Variants in JMJD4 observed in about 807,000 individuals in gnomAD.
JMJD4 encodes 2-oxoglutarate and iron-dependent oxygenase JMJD4.
JMJD4 carries 34 observed loss-of-function variants against 36.3 expected under a neutral mutation model. The observed-to-expected ratio is 0.94, with a 90% CI of 0.71 to 1.25. The LOEUF is 1.25. Ranked by LOEUF, JMJD4 falls within the 50% of genes most tolerant of loss-of-function variation. JMJD4 has a pLI of 0.00. For missense variants in JMJD4, 584 were observed against 559.1 expected (o/e 1.04, Z -0.45); for synonymous variants, 269 against 235.3 (o/e 1.14, Z -1.31).
intron 1 of JMJD4, 67 bp from the exon 2 acceptor site, chr1:227,734,883 G>A: frequency 1.3e-6 from 2 of 1,596,488 alleles, no homozygotes; most frequent in African/African-American, 1.3e-5. Flanking sequence ...CGTCTGCAGA[G>A]GAACTCTCCA....
At chr1:227,734,339 A>T in intron 2 of JMJD4, 1 of 376,824 alleles carries the variant, frequency 2.7e-6, no homozygotes, top group Admixed American at 4.3e-5. Context: ...AACATGGTGA[A>T]ACCTAGTCTC....
rs755490821 is a variant in JMJD4 at position 227,731,800 on chromosome 1, G to C, written c.*592C>G. 1 of 158,818 alleles carries C rather than the reference G, an allele frequency of 6.3e-6. No homozygotes were observed. Among genetic ancestry groups the C allele is most frequent in the Non-Finnish European group, 1.4e-5 (1 of 71,382 alleles). The allele number at this position is 158,818 out of a possible 1,614,324, so 9.8% of individuals were successfully genotyped here. ...CACCCCATCTGTGGCCTCTCCAGCT[G>C]TCCACAGGCCCTGCAAAGGCAGGGA... On this transcript the variant is annotated 3_prime_UTR_variant, in exon 6 of 6. Transcript: ENST00000620518.
intron 2 of JMJD4, chr1:227,734,313 C>G: frequency 3.4e-6 from 1 of 297,028 alleles, no homozygotes; most frequent in Non-Finnish European, 5.9e-6. Flanking sequence ...CTCAGGAGTT[C>G]AAGACCAGCC....
rs765627228 is a variant in JMJD4 at position 227,733,548 on chromosome 1, C to T, written c.688G>A (p.Val230Met). 1.6e-5 allele frequency: 26 copies of T among 1,605,464 alleles called. No individual in the cohort carries two copies. The highest frequency in any genetic ancestry group is 2.1e-5 in the Non-Finnish European group (25 of 1,176,840). ...GTGTCGCAGAGTGCTGGGGAGGTCA[C>T]GTCGTAGGGCAGGTTGCCGTGGCGG... ...RDRHGNLPYD[V>M]TSPALCDTHL... The change falls in exon 4 of 6, where the codon GTG becomes ATG. Residue 230 changes from valine to methionine, a missense_variant. Val to Met is a conservative substitution (Grantham distance 21). Coordinates refer to ENST00000620518, the MANE Select transcript of JMJD4 (RefSeq NM_023007.3).
Position 227,732,235 on chromosome 1 carries a change from G to C in JMJD4, c.*157C>G. The stretch of plus-strand genomic sequence containing the variant: ...TCCCTGACCTCATTGGGCCTCACCT[G>C]AAAACAGGCACCCAGGCAGTGGCCA... On this transcript the variant is annotated 3_prime_UTR_variant, in exon 6 of 6. Coordinates refer to ENST00000620518, the MANE Select transcript of JMJD4 (RefSeq NM_023007.3). The C allele has an allele frequency of 1.2e-6, 1 of 849,342 alleles. No individual in the cohort carries two copies. The highest frequency in any genetic ancestry group is 1.9e-6 in the Non-Finnish European group (1 of 538,094). The allele number at this position is 849,342 out of a possible 1,614,324, so 52.6% of individuals were successfully genotyped here. A position where few individuals can be genotyped will look rare whatever the true frequency, so the allele number is the denominator to read the frequency against.
intron 5 of JMJD4, 99 bp downstream of exon 5, chr1:227,732,782 A>G: frequency 3.1e-6 from 5 of 1,591,608 alleles, no homozygotes; most frequent in Non-Finnish European, 4.3e-6. Flanking sequence ...GACCATTAAG[A>G]CAGAGGCACT....
Position 227,733,686 on chromosome 1 carries a change from G to A in JMJD4, c.555-5C>T, listed in dbSNP as rs367922496. 5.1e-5 allele frequency: 81 copies of A among 1,599,742 alleles called. No homozygotes were observed. The African/African-American group carries it at 8.9e-4, about 18-fold the overall frequency. On this transcript the variant is annotated splice_polypyrimidine_tract_variant and splice_region_variant and intron_variant, in intron 3 of 5. Transcript: ENST00000620518. ...ATGTCAGCATGGAACGGGGACCTGCGGCAGCAAGAGCGCCTGGTTCATGCC... is the reference window on the plus strand; with the variant it reads ...ATGTCAGCATGGAACGGGGACCTGCAGCAGCAAGAGCGCCTGGTTCATGCC...
At position 227,732,004 on chromosome 1, in the gene JMJD4, CA is replaced by C. The variant is rs922361487; in HGVS notation, c.*387del. On this transcript the variant is annotated 3_prime_UTR_variant, in exon 6 of 6. Coordinates refer to ENST00000620518, the MANE Select transcript of JMJD4 (RefSeq NM_023007.3). ...CCTCCCTGAACCCACAGGGCAGAGC[CA>C]GGGGTGGTCCAATGGCCTGAGACGA... is the stretch of plus-strand genomic sequence containing the variant. 1.1e-5 allele frequency: 3 copies of C among 278,470 alleles called. No homozygotes were observed. The highest frequency in any genetic ancestry group is 2.2e-5 in the African/African-American group (1 of 46,442). 17.2% of individuals were successfully genotyped at this position (278,470 alleles called of 1,614,324 possible).
chr1:227,734,077 G>T (rs1462903365), intron 2 of JMJD4, 45 bp from the exon 3 acceptor site: 2 of 1,595,772 alleles, frequency 1.3e-6, no homozygotes, highest in South Asian at 1.1e-5. Context: ...CGTGAGGCAC[G>T]AGGAGACTAG....
Position 227,734,352 on chromosome 1 carries a change from T to TAA in JMJD4, c.428+297_428+298dup, listed in dbSNP as rs56684758. The TAA allele has an allele frequency of 9.3e-3, 722 of 77,592 alleles. 22 individuals carry two copies. The highest frequency in any genetic ancestry group is 0.04 in the African/African-American group (559 of 14,112). 4.8% of individuals were successfully genotyped at this position (77,592 alleles called of 1,614,324 possible). On this transcript the variant is annotated intron_variant, in intron 2 of 5. Coordinates refer to ENST00000620518, the MANE Select transcript of JMJD4 (RefSeq NM_023007.3). ...GCAACATGGTGAAACCTAGTCTCTTTAAAAAAAAAAAAAAAAAAAAAAAAA... is the reference window on the plus strand; with the variant it reads ...GCAACATGGTGAAACCTAGTCTCTTTAAAAAAAAAAAAAAAAAAAAAAAAAAA...
chr1:227,735,177 C>G lies in JMJD4; in HGVS notation c.97G>C (p.Val33Leu). The stretch of plus-strand genomic sequence containing the variant: ...TAGGAGAAGGCGCCCGGCTCCGAGA[C>G]GAAGGCTACCCGGCCCGGAGCCTGG... Reference protein sequence around the residue: ...VGQAPGRVAFVSEPGAFSYAD... With the variant: ...VGQAPGRVAFLSEPGAFSYAD... The change falls in exon 1 of 6, where the codon GTC (valine) becomes CTC (leucine). Residue 33 changes from valine (V) to leucine (L), a missense_variant. Physicochemically the swap from Val to Leu is conservative, Grantham distance 32. Transcript: ENST00000620518. The G allele has an allele frequency of 6.3e-7, 1 of 1,580,762 alleles. No homozygotes were observed. The highest frequency in any genetic ancestry group is 2.3e-5 in the East Asian group (1 of 42,810).
chr1:227,734,780 T>C lies in JMJD4; in HGVS notation c.299A>G (p.Gln100Arg). 6.2e-7 allele frequency: 1 copy of C among 1,614,092 alleles called. No homozygotes were observed. Among genetic ancestry groups the C allele is most frequent in the Non-Finnish European group, 8.5e-7 (1 of 1,180,006 alleles). Residue 100 changes from glutamine to arginine, a missense_variant, in exon 2 of 6, where the codon CAG becomes CGG. Coordinates refer to ENST00000620518, the MANE Select transcript of JMJD4 (RefSeq NM_023007.3). ...CTCTTTGGGGTTCGAGTTGTATTCC[T>C]GGACCCCACAGTTTGCAACTGGTAC... is the stretch of plus-strand genomic sequence containing the variant. The part of the protein sequence containing the change: ...VVVPVANCGV[Q>R]EYNSNPKEHM...
chr1:227,735,132 A>T lies in JMJD4; in HGVS notation c.142T>A (p.Phe48Ile). The T allele has an allele frequency of 6.3e-7, 1 of 1,580,492 alleles. No homozygotes were observed. The highest frequency in any genetic ancestry group is 8.6e-7 in the Non-Finnish European group (1 of 1,164,198). Reference sequence around the variant, plus strand: ...ACGCAGGGCAGGTTGGGCAGCAAGAAGCCCCGCACAAAGTCGGCGTAGGAG... The same window carrying T: ...ACGCAGGGCAGGTTGGGCAGCAAGATGCCCCGCACAAAGTCGGCGTAGGAG... ...AFSYADFVRG[F>I]LLPNLPCVFS... The change falls in exon 1 of 6, where the codon TTC becomes ATC. Residue 48 changes from phenylalanine to isoleucine, a missense_variant. Phe to Ile is a conservative substitution (Grantham distance 21). Coordinates refer to ENST00000620518, the MANE Select transcript of JMJD4 (RefSeq NM_023007.3).
intron 5 of JMJD4, 67 bp downstream of exon 5, chr1:227,732,814 G>A: frequency 6.2e-7 from 1 of 1,601,204 alleles, no homozygotes; most frequent in Non-Finnish European, 8.5e-7. Context: ...CGGTGACCAA[G>A]GGAGTCTGAG....
chr1:227,732,286 C>A lies in JMJD4; in HGVS notation c.*106G>T, dbSNP rs1439913217. On this transcript the variant is annotated 3_prime_UTR_variant, in exon 6 of 6. Transcript: ENST00000620518. ...TGAACAGCCAGGCCACAAGCCTCGA[C>A]AGGGGTGGGCCCCAGGTCACAGGGA... The A allele has an allele frequency of 3.0e-6, 4 of 1,351,296 alleles. No homozygotes were observed. In the South Asian group the frequency reaches 5.2e-5, roughly 18 times the overall value. The allele number at this position is 1,351,296 out of a possible 1,614,324, so 83.7% of individuals were successfully genotyped here.
At chr1:227,733,774 G>A (rs1224352053) in intron 3 of JMJD4, 93 bp from the exon 4 acceptor site, 3 of 1,584,164 alleles carry the variant, frequency 1.9e-6, no homozygotes, top group Non-Finnish European at 2.6e-6. Context: ...AAGGAGGGGT[G>A]GCCCCTTGGT....
chr1:227,734,539 A>C, intron 2 of JMJD4, 112 bp downstream of exon 2: 1 of 965,232 alleles, frequency 1.0e-6, no homozygotes, highest in African/African-American at 1.6e-5. Flanking sequence ...AAAGTGCCTC[A>C]CGGGGAAAAA....
In JMJD4 at chr1:227,734,002, C is replaced by T. The variant is rs1234749315; in HGVS notation, c.459G>A (p.Leu153=). The change falls in exon 3 of 6, where the codon CTG becomes CTA. Residue 153 remains leucine, a synonymous_variant. Transcript: ENST00000620518. ...GCCAGTCGGACGAGAAGTACACAGG[C>T]AGGGTGAAAACGTCCTCCACCGGAA... The part of the protein sequence containing the change: ...RDFPVEDVFT[L]PVYFSSDWLN... The T allele has an allele frequency of 7.4e-6, 12 of 1,613,674 alleles. No homozygotes were observed. Among genetic ancestry groups the T allele is most frequent in the African/African-American group, 2.7e-5 (2 of 74,930 alleles).
In JMJD4 at chr1:227,733,682, C is replaced by A; in HGVS notation, c.555-1G>T. ...GAAGATGTCAGCATGGAACGGGGAC[C>A]TGCGGCAGCAAGAGCGCCTGGTTCA... On this transcript the variant is annotated splice_acceptor_variant, in intron 3 of 5. Transcript: ENST00000620518. LOFTEE classifies it high-confidence loss of function. 1 of 1,600,032 alleles carries A rather than the reference C, an allele frequency of 6.2e-7. No individual in the cohort carries two copies. Among genetic ancestry groups the A allele is most frequent in the Non-Finnish European group, 8.5e-7 (1 of 1,179,874 alleles).
Sources: allele counts gnomAD v4.1 joint callset, GRCh38; gene constraint gnomAD v4.1.1; transcripts MANE v1.5; gene names NCBI Gene and HGNC (gene_info 2026-07-23, HGNC 2026-07-21).